Variants in RASGRP3 observed in about 807,000 individuals in gnomAD.
RASGRP3 encodes ras guanyl-releasing protein 3.
A neutral mutation model predicts 82.7 loss-of-function variants in RASGRP3; 54 were observed. The ratio of observed to expected loss-of-function variants is 0.65; its 90% CI spans 0.52 to 0.82. The LOEUF (loss-of-function observed/expected upper bound fraction) is 0.82, where lower values mean the gene tolerates loss of function less well. Among genes scored for constraint, RASGRP3 ranks in the 40% least tolerant of loss-of-function variants. The pLI, the probability that RASGRP3 is intolerant of heterozygous loss-of-function variation, is 0.00. For missense variants in RASGRP3, 861 were observed against 828.9 expected (o/e 1.04, Z -0.48); for synonymous variants, 309 against 300.5 (o/e 1.03, Z -0.29).
chr2:33,444,686 T>C (rs1386193999), intron 1 of RASGRP3, among the ~76,000 whole-genome samples: 2 of 152,260 alleles, frequency 1.3e-5, no homozygotes, highest in Non-Finnish European at 2.9e-5. Flanking sequence ...AATAGTTGAA[T>C]AGCAAGCCAA....
chr2:33,556,163 T>A (rs1297578668), intron 15 of RASGRP3, among the ~76,000 whole-genome samples: 1 of 152,056 alleles, frequency 6.6e-6, no homozygotes, highest in Non-Finnish European at 1.5e-5. Context: ...TGATCAAGTA[T>A]ACATTACTGT....
intron 14 of RASGRP3, among the ~76,000 whole-genome samples, chr2:33,553,268 C>T (rs924448087): frequency 6.6e-6 from 1 of 152,190 alleles, no homozygotes; most frequent in African/African-American, 2.4e-5. Context: ...TTCTTTCCCT[C>T]ACTAGCTATG....
rs765308856 is a variant in RASGRP3, at chr2:33,558,887, C to T, written c.1921C>T (p.His641Tyr). The change falls in exon 17 of 18, where the codon CAT (histidine) becomes TAT (tyrosine). Residue 641 changes from histidine (H) to tyrosine (Y), a missense_variant. Coordinates refer to ENST00000403687, the MANE Select transcript of RASGRP3 (RefSeq NM_001139488.2). The stretch of plus-strand genomic sequence containing the variant: ...CTTCCCTAAAATGAAATCCAAGTTC[C>T]ATGACAAAGCAGCAAAGGACAAAGG... ...HTFPKMKSKF[H>Y]DKAAKDKGFA... The T allele has an allele frequency of 1.2e-6, 2 of 1,614,006 alleles. No homozygotes were observed. The highest frequency in any genetic ancestry group is 1.1e-5 in the South Asian group (1 of 91,080).
chr2:33,508,422 A>G (rs1031777635), intron 1 of RASGRP3, among the ~76,000 whole-genome samples: 9 of 152,194 alleles, frequency 5.9e-5, no homozygotes, highest in African/African-American at 2.2e-4. Context: ...GGTCCCTGGG[A>G]GGACAAGAGT....
At chr2:33,502,375 C>T (rs981900907) in intron 1 of RASGRP3, among the ~76,000 whole-genome samples, 1 of 152,074 alleles carries the variant, frequency 6.6e-6, no homozygotes, top group Admixed American at 6.5e-5. Context: ...GGCTTCCCTT[C>T]ATTTGTCTTA....
At chr2:33,530,354 G>C (rs544895351) in intron 10 of RASGRP3, among the ~76,000 whole-genome samples, 9 of 152,294 alleles carry the variant, frequency 5.9e-5, no homozygotes, top group Admixed American at 2.0e-4. Context: ...GTGGTAGGCT[G>C]TAGGGCAGTG....
intron 1 of RASGRP3, among the ~76,000 whole-genome samples, chr2:33,490,225 T>C (rs1038287968): frequency 6.6e-6 from 1 of 152,186 alleles, no homozygotes; most frequent in African/African-American, 2.4e-5. Context: ...TCTGCTTCAG[T>C]AACTCTCATC....
At chr2:33,531,200 T>A (rs908178464) in intron 10 of RASGRP3, among the ~76,000 whole-genome samples, 4 of 152,154 alleles carry the variant, frequency 2.6e-5, no homozygotes, top group African/African-American at 9.7e-5. Context: ...CCAACTTTGC[T>A]GAAAGGATAG....
At chr2:33,552,906 G>A (rs893858426) in intron 14 of RASGRP3, among the ~76,000 whole-genome samples, 5 of 152,110 alleles carry the variant, frequency 3.3e-5, no homozygotes, top group Non-Finnish European at 4.4e-5. Flanking sequence ...GACAGCAGCC[G>A]GTGGTCTCAA....
chr2:33,529,466 C>T (rs750774077), intron 10 of RASGRP3, among the ~76,000 whole-genome samples: 6 of 74,010 alleles, frequency 8.1e-5, no homozygotes, highest in Admixed American at 3.6e-4. Context: ...CTGCACTGGG[C>T]GACAGAGCGA....
At chr2:33,526,619 G>GA (rs891775302) in intron 9 of RASGRP3, among the ~76,000 whole-genome samples, 2 of 152,142 alleles carry the variant, frequency 1.3e-5, no homozygotes, top group Admixed American at 6.5e-5. Context: ...TACTTACAGA[G>GA]AAAGAAACTG....
At chr2:33,511,430 G>T (rs1670914851) in intron 1 of RASGRP3, among the ~76,000 whole-genome samples, 1 of 152,170 alleles carries the variant, frequency 6.6e-6, no homozygotes, top group South Asian at 2.1e-4. Context: ...ATATTTGCAT[G>T]AAACAGTAGT....
chr2:33,544,381 C>T (rs1674546545), intron 13 of RASGRP3, among the ~76,000 whole-genome samples: 1 of 151,860 alleles, frequency 6.6e-6, no homozygotes, highest in Admixed American at 6.6e-5. Context: ...AAGAAGCATT[C>T]ATGCTTTGTT....
At chr2:33,475,547 C>T (rs1259085295), upstream of RASGRP3, among the ~76,000 whole-genome samples, 1 of 152,182 alleles carries the variant, frequency 6.6e-6, no homozygotes, top group Non-Finnish European at 1.5e-5. Context: ...TGGATGTTCA[C>T]TTTGCCAAAT....
intron 4 of RASGRP3, among the ~76,000 whole-genome samples, chr2:33,517,556 C>G (rs1373740893): frequency 6.6e-6 from 1 of 152,200 alleles, no homozygotes; most frequent in African/African-American, 2.4e-5. Flanking sequence ...GCTTCCTCCA[C>G]TTTCTACTTC....
At chr2:33,531,469 C>T (rs945317811) in intron 10 of RASGRP3, among the ~76,000 whole-genome samples, 2 of 152,200 alleles carry the variant, frequency 1.3e-5, no homozygotes, top group African/African-American at 2.4e-5. Flanking sequence ...GGCAGCTTTA[C>T]ATTCACGGAT....
intron 17 of RASGRP3, among the ~76,000 whole-genome samples, chr2:33,561,249 T>C (rs1245332918): frequency 1.3e-5 from 2 of 152,098 alleles, no homozygotes; most frequent in East Asian, 3.9e-4. Context: ...GCATTTTCAA[T>C]AGAGACAGGG....
chr2:33,476,778 T>C (rs1307800515), intron 1 of RASGRP3, 71 bp downstream of exon 1: 1 of 152,396 alleles, frequency 6.6e-6, no homozygotes. Flanking sequence ...TGTGTGTGTG[T>C]GTGTGTGTGT....
At chr2:33,461,344 T>A (rs1399602437) in intron 2 of RASGRP3, among the ~76,000 whole-genome samples, 1 of 152,198 alleles carries the variant, frequency 6.6e-6, no homozygotes, top group Non-Finnish European at 1.5e-5. Flanking sequence ...AGTGGCACGA[T>A]CTCTATTTAC....
Sources: allele counts gnomAD v4.1 joint callset (sites outside exome capture counted in the v4.1 genomes callset), GRCh38; gene constraint gnomAD v4.1.1; transcripts MANE v1.5; gene names NCBI Gene and HGNC (gene_info 2026-07-23, HGNC 2026-07-21).